The following DNAAF9 variants were observed in gnomAD, a reference collection of about 807,000 sequenced individuals.
DNAAF9 encodes shulin.
Under a neutral mutation model 167.0 loss-of-function variants are expected in DNAAF9, and 90 were observed. The ratio of observed to expected loss-of-function variants is 0.54; its 90% CI spans 0.45 to 0.64. The LOEUF is 0.64. Among genes scored for constraint, DNAAF9 ranks in the 30% least tolerant of loss-of-function variants. The pLI, the probability that DNAAF9 is intolerant of heterozygous loss-of-function variation, is 0.00. For missense variants in DNAAF9, 1,315 were observed against 1,442.2 expected, an observed-to-expected ratio of 0.91 and a Z score of 1.43; for synonymous variants, 491 against 508.8, an observed-to-expected ratio of 0.96 and a Z score of 0.47.
intron 6 of DNAAF9, among the ~76,000 whole-genome samples, chr20:3,368,039 A>G (rs1725488218): frequency 6.6e-6 from 1 of 152,224 alleles, no homozygotes; most frequent in Admixed American, 6.5e-5. Flanking sequence ...CAGAACACAC[A>G]TCAGGCACTA....
intron 1 of DNAAF9, among the ~76,000 whole-genome samples, chr20:3,402,759 A>C (rs192985050): frequency 6.6e-6 from 1 of 151,806 alleles, no homozygotes; most frequent in Admixed American, 6.6e-5. Flanking sequence ...TCTTTTTTTG[A>C]ACTTTGTAAA....
At chr20:3,318,953 T>A (rs113049799) in intron 16 of DNAAF9, among the ~76,000 whole-genome samples, 6,683 of 151,028 alleles carry the variant, frequency 0.044, 219 homozygotes, top group African/African-American at 0.094. Flanking sequence ...CATGGTGGCG[T>A]GTGCCTGTAA....
At chr20:3,406,856 G>A (rs760311086) in intron 1 of DNAAF9, among the ~76,000 whole-genome samples, 8 of 152,204 alleles carry the variant, frequency 5.3e-5, no homozygotes, top group Non-Finnish European at 1.0e-4. Context: ...GCAGGCTGAG[G>A]CAGGGGGAGC....
chr20:3,319,033 A>C (rs1415150968), intron 16 of DNAAF9, among the ~76,000 whole-genome samples: 2 of 136,632 alleles, frequency 1.5e-5, no homozygotes, highest in Non-Finnish European at 3.1e-5. Flanking sequence ...CAGTGAGCTG[A>C]GATCGCGCCA....
chr20:3,377,649 A>G (rs1180507125), intron 3 of DNAAF9, among the ~76,000 whole-genome samples: 3 of 151,662 alleles, frequency 2.0e-5, no homozygotes, highest in Non-Finnish European at 4.4e-5. Context: ...TTGTAGAGAC[A>G]GGGTTTTGCC....
chr20:3,392,625 T>C (rs1470775602), intron 1 of DNAAF9, among the ~76,000 whole-genome samples: 1 of 152,228 alleles, frequency 6.6e-6, no homozygotes, highest in Non-Finnish European at 1.5e-5. Context: ...GTTCTTCCCA[T>C]CTTATATGTA....
chr20:3,383,256 A>T (rs2083686658), intron 1 of DNAAF9, among the ~76,000 whole-genome samples: 1 of 139,926 alleles, frequency 7.1e-6, no homozygotes, highest in Non-Finnish European at 1.5e-5. Context: ...TGCCTCTAAT[A>T]CTCATTCCCT....
chr20:3,376,369 C>T, intron 3 of DNAAF9, 67 bp from the exon 4 acceptor site: 2 of 1,318,086 alleles, frequency 1.5e-6, no homozygotes, highest in Non-Finnish European at 1.0e-6. Context: ...TTTCTGCCCA[C>T]ATAATTAGTA....
intron 10 of DNAAF9, among the ~76,000 whole-genome samples, chr20:3,332,879 C>G (rs1318253015): frequency 1.4e-5 from 2 of 139,504 alleles, no homozygotes; most frequent in Admixed American, 7.2e-5. Flanking sequence ...TGCGTGCATG[C>G]GTGTGTGCGT....
intron 3 of DNAAF9, among the ~76,000 whole-genome samples, chr20:3,376,581 AGCTTGATTTT>A (rs1163972329): frequency 6.6e-6 from 1 of 152,242 alleles, no homozygotes; most frequent in Non-Finnish European, 1.5e-5. Flanking sequence ...GCTGGATAAC[AGCTTGATTTT>A]AGACTTTTTA....
In DNAAF9 at chr20:3,297,903, C is replaced by G. The variant is rs1372950908; in HGVS notation, c.1929+126G>C. The G allele has an allele frequency of 9.3e-6, 7 of 753,564 alleles. No individual in the cohort carries two copies. The Admixed American group carries it at 1.5e-4, about 16-fold the overall frequency. 46.7% of individuals were successfully genotyped at this position (753,564 alleles called of 1,614,324 possible). On this transcript the variant is annotated intron_variant, in intron 22 of 36. Transcript: ENST00000252032. ...AGGGATTAGAAGCAGTCACCCCACA[C>G]CATCCAGCCCTCCTAACTCTCCCTC... is the stretch of plus-strand genomic sequence containing the variant.
chr20:3,335,960 TA>T (rs2069932536), intron 10 of DNAAF9, among the ~76,000 whole-genome samples: 1 of 151,610 alleles, frequency 6.6e-6, no homozygotes, highest in Non-Finnish European at 1.5e-5. Flanking sequence ...CTGTCTCTAC[TA>T]AAAATACAAA....
chr20:3,372,000 A>G (rs1277155416), intron 6 of DNAAF9, among the ~76,000 whole-genome samples: 2 of 152,238 alleles, frequency 1.3e-5, no homozygotes, highest in Non-Finnish European at 2.9e-5. Context: ...TTGGCCCAGC[A>G]TAAATGGCAA....
At chr20:3,363,531 CTTTT>C (rs756444381) in intron 6 of DNAAF9, among the ~76,000 whole-genome samples, 1 of 120,548 alleles carries the variant, frequency 8.3e-6, no homozygotes, top group Non-Finnish European at 1.7e-5. Context: ...AAAGCAAACT[CTTTT>C]TTTTTTTTTT....
intron 8 of DNAAF9, among the ~76,000 whole-genome samples, chr20:3,347,462 C>T (rs938606256): frequency 2.0e-5 from 3 of 152,118 alleles, no homozygotes; most frequent in Non-Finnish European, 4.4e-5. Context: ...GAATGAAGAG[C>T]ACCAGAGAGA....
chr20:3,292,787 C>T lies in DNAAF9; in HGVS notation c.2238+1352G>A, dbSNP rs192554099. On this transcript the variant is annotated intron_variant, in intron 25 of 36. Transcript: ENST00000252032. ...TTTCAAAAAAGAAAAAAAAAAAAAG[C>T]CAGGTATGGTGGCTCACGCCTGTAA... is the stretch of plus-strand genomic sequence containing the variant. 6.8e-3 allele frequency among the ~76,000 whole-genome samples: 988 copies of T among 145,638 alleles called. 9 individuals carry two copies. Among genetic ancestry groups the T allele is most frequent in the African/African-American group, 0.024 (945 of 40,104 alleles).
At chr20:3,373,368 G>A (rs1200962888) in intron 6 of DNAAF9, among the ~76,000 whole-genome samples, 1 of 152,182 alleles carries the variant, frequency 6.6e-6, no homozygotes, top group East Asian at 1.9e-4. Context: ...GGATCCCATG[G>A]AGGCACATGG....
At chr20:3,332,925 G>GTGTA (rs1387741383) in intron 10 of DNAAF9, among the ~76,000 whole-genome samples, 2 of 151,700 alleles carry the variant, frequency 1.3e-5, no homozygotes, top group Non-Finnish European at 2.9e-5. Context: ...GTGTGTGTGT[G>GTGTA]TGTGTGTGTG....
intron 13 of DNAAF9, 115 bp downstream of exon 13, chr20:3,326,082 G>T: frequency 1.4e-6 from 1 of 721,702 alleles, no homozygotes; most frequent in Non-Finnish European, 2.4e-6. Flanking sequence ...GTGTCAAAGA[G>T]GCCCAAGCTC....
Sources: allele counts gnomAD v4.1 joint callset (sites outside exome capture counted in the v4.1 genomes callset), GRCh38; gene constraint gnomAD v4.1.1; transcripts MANE v1.5; gene names NCBI Gene and HGNC (gene_info 2026-07-23, HGNC 2026-07-21).